HDAC9: variants seen among roughly 807,000 people sequenced by gnomAD.
HDAC9 encodes the protein MEF-2 interacting transcription repressor (MITR) protein.
Under a neutral mutation model 139.4 loss-of-function variants are expected in HDAC9, and 41 were observed. The ratio of observed to expected loss-of-function variants is 0.29; its 90% CI spans 0.23 to 0.38. The LOEUF (loss-of-function observed/expected upper bound fraction) is 0.38, where lower values mean the gene tolerates loss of function less well. HDAC9 is among the 10% of genes least tolerant of loss of function. HDAC9 has a pLI of 1.00. For synonymous variants in HDAC9, 517 were observed against 476.2 expected, an observed-to-expected ratio of 1.09 and a Z score of -1.12; for missense variants, 1,147 against 1,297.0, an observed-to-expected ratio of 0.88 and a Z score of 1.78.
chr7:18,107,773 A>G (rs1783327210), intron 1 of HDAC9, among the ~76,000 whole-genome samples: 1 of 152,236 alleles, frequency 6.6e-6, no homozygotes, highest in Non-Finnish European at 1.5e-5. Context: ...ATGTACTAAC[A>G]TTAACTCCCA....
intron 1 of HDAC9, among the ~76,000 whole-genome samples, chr7:18,448,145 G>C (rs926483181): frequency 6.6e-6 from 1 of 152,152 alleles, no homozygotes; most frequent in African/African-American, 2.4e-5. Flanking sequence ...GATTACGCGC[G>C]TGAGCCACCA....
At chr7:18,200,797 A>G (rs1049597121) in intron 2 of HDAC9, among the ~76,000 whole-genome samples, 3 of 152,134 alleles carry the variant, frequency 2.0e-5, no homozygotes, top group Non-Finnish European at 2.9e-5. Flanking sequence ...ATTCGTTATT[A>G]TAATTTTTTC....
At chr7:18,287,815 A>T (rs1233416427), upstream of HDAC9, among the ~76,000 whole-genome samples, 1 of 152,136 alleles carries the variant, frequency 6.6e-6, no homozygotes, top group South Asian at 2.1e-4. Flanking sequence ...TGTTTTCTGG[A>T]TGCCGCAATG....
intron 1 of HDAC9, chr7:18,395,277 C>G (rs937205537): frequency 1.3e-5 from 2 of 152,052 alleles, no homozygotes; most frequent in African/African-American, 4.8e-5. Context: ...AGCAACTTCA[C>G]ACATTATCTC....
chr7:18,647,832 T>C lies in HDAC9; in HGVS notation c.1083T>C (p.Leu361=). The C allele has an allele frequency of 6.2e-7, 1 of 1,612,410 alleles. No homozygotes were observed. Among genetic ancestry groups the C allele is most frequent in the Non-Finnish European group, 8.5e-7 (1 of 1,179,200 alleles). The change falls in exon 10 of 26, where the codon CTT becomes CTC. Residue 361 remains leucine, a synonymous_variant. Coordinates refer to ENST00000686413, the MANE Select transcript of HDAC9 (RefSeq NM_178425.4). ...KEKQKCETQT[L]RQGVPLPGQY... is the part of the protein sequence containing the mutation. ...AGCAGAAGTGTGAGACGCAGACGCT[T>C]AGGCAAGGTGTTCCTCTGCCTGGGC...
intron 2 of HDAC9, among the ~76,000 whole-genome samples, chr7:18,542,289 A>T (rs1813242291): frequency 6.6e-6 from 1 of 152,192 alleles, no homozygotes; most frequent in African/African-American, 2.4e-5. Flanking sequence ...CTGCTTTGAT[A>T]GCTGTGGAAC....
At chr7:18,359,823 A>G (rs1187764412) in intron 1 of HDAC9, among the ~76,000 whole-genome samples, 1 of 152,058 alleles carries the variant, frequency 6.6e-6, no homozygotes, top group Non-Finnish European at 1.5e-5. Flanking sequence ...TGGGCAGGGT[A>G]GTCTTGAACT....
At chr7:18,438,651 T>C (rs1314865231) in intron 1 of HDAC9, among the ~76,000 whole-genome samples, 3 of 147,188 alleles carry the variant, frequency 2.0e-5, no homozygotes, top group East Asian at 2.0e-4. Flanking sequence ...TGTGCGTGTG[T>C]GTGTGTGTGT....
chr7:18,864,111 TC>T (rs1385807114), intron 21 of HDAC9, among the ~76,000 whole-genome samples: 1 of 152,200 alleles, frequency 6.6e-6, no homozygotes, highest in African/African-American at 2.4e-5. Flanking sequence ...TGTTCCAATT[TC>T]TTCATATTAA....
At chr7:18,266,404 C>G (rs1796004719) in intron 2 of HDAC9, among the ~76,000 whole-genome samples, 1 of 134,592 alleles carries the variant, frequency 7.4e-6, no homozygotes. Context: ...TTGAATCATT[C>G]AAGTAAAAAT....
At chr7:18,323,673 C>G (rs1428533024) in intron 1 of HDAC9, among the ~76,000 whole-genome samples, 1 of 152,132 alleles carries the variant, frequency 6.6e-6, no homozygotes, top group Non-Finnish European at 1.5e-5. Context: ...AAGTCTTAAG[C>G]TTTTGACACC....
In HDAC9 at chr7:18,708,567, T is replaced by G. The variant is rs185719704; in HGVS notation, c.1732-19013T>G. Among the ~76,000 whole-genome samples, 260 of 152,116 alleles carry G rather than the reference T, an allele frequency of 1.7e-3. 3 individuals carry two copies. Among genetic ancestry groups the G allele is most frequent in the Non-Finnish European group, 2.5e-3 (173 of 67,976 alleles). ...TGCCTGAAGTAATAAACAATAGAGT[T>G]TGTACTGGAAAGGGAGAGAAATAAG... On this transcript the variant is annotated intron_variant, in intron 12 of 25. Transcript: ENST00000686413.
At chr7:18,810,134 A>C (rs1450336470) in intron 17 of HDAC9, among the ~76,000 whole-genome samples, 1 of 151,918 alleles carries the variant, frequency 6.6e-6, no homozygotes, top group East Asian at 1.9e-4. Context: ...TGTGGGTTCT[A>C]AAATAGTTGA....
intron 1 of HDAC9, among the ~76,000 whole-genome samples, chr7:18,127,879 C>G (rs751437319): frequency 6.6e-6 from 1 of 151,464 alleles, no homozygotes; most frequent in Non-Finnish European, 1.5e-5. Context: ...GTATACTAAA[C>G]AAATTTTGAA....
chr7:18,469,327 C>T (rs928989788), intron 1 of HDAC9, among the ~76,000 whole-genome samples: 1 of 152,064 alleles, frequency 6.6e-6, no homozygotes, highest in Non-Finnish European at 1.5e-5. Flanking sequence ...AATATGGGAA[C>T]TTTATATTAT....
At chr7:18,648,144 C>A in intron 10 of HDAC9, 146 bp downstream of exon 10, 1 of 688,870 alleles carries the variant, frequency 1.5e-6, no homozygotes, top group Non-Finnish European at 2.4e-6. Flanking sequence ...GTGGGAAAGG[C>A]TATCATCTTT....
chr7:18,780,950 T>C (rs11982615), intron 16 of HDAC9, among the ~76,000 whole-genome samples: 21,112 of 151,918 alleles, frequency 0.14, 2,178 homozygotes, highest in African/African-American at 0.29. Flanking sequence ...ATACCACAGA[T>C]TGGGTGGCTT....
At chr7:18,269,907 C>G (rs1412695906) in intron 2 of HDAC9, among the ~76,000 whole-genome samples, 2 of 151,976 alleles carry the variant, frequency 1.3e-5, no homozygotes, top group Non-Finnish European at 2.9e-5. Flanking sequence ...GTGAAAAGAT[C>G]TCTTGAGTTT....
intron 2 of HDAC9, among the ~76,000 whole-genome samples, chr7:18,267,563 G>C (rs929244222): frequency 2.6e-5 from 4 of 152,022 alleles, no homozygotes; most frequent in Non-Finnish European, 5.9e-5. Context: ...TCTGTGCCTG[G>C]CTGATTTCAC....
Sources: gnomAD v4.1 joint callset for allele counts (sites outside exome capture counted in the v4.1 genomes callset) on GRCh38, gnomAD v4.1.1 for gene constraint, MANE v1.5 for transcripts, NCBI Gene and HGNC (gene_info 2026-07-23, HGNC 2026-07-21) for gene names.